The following KIAA1671 variants were observed in gnomAD, a reference collection of about 807,000 sequenced individuals.
The protein encoded by KIAA1671 is KIAA1671.
A neutral mutation model predicts 131.2 loss-of-function variants in KIAA1671; 52 were observed. That is an observed-to-expected ratio of 0.40 (90% CI 0.32 to 0.50). The LOEUF (loss-of-function observed/expected upper bound fraction) is 0.50. Ranked by LOEUF, KIAA1671 falls within the 20% of genes least tolerant of loss-of-function variation. The pLI, the probability that KIAA1671 is intolerant of heterozygous loss-of-function variation, is 0.73. For synonymous variants in KIAA1671, 1,003 were observed against 961.6 expected (o/e 1.04, Z -0.80); for missense variants, 2,360 against 2,364.2 (o/e 1.00, Z 0.04).
intron 1 of KIAA1671, chr22:25,010,805 C>T (rs1924993752): frequency 6.6e-6 from 1 of 152,110 alleles, no homozygotes; most frequent in Admixed American, 6.5e-5. Flanking sequence ...CATAAAAAAT[C>T]AAGAGGAGAG....
At chr22:25,150,999 A>AT (rs1243116222) in intron 6 of KIAA1671, among the ~76,000 whole-genome samples, 7 of 151,176 alleles carry the variant, frequency 4.6e-5, no homozygotes, top group Admixed American at 6.6e-5. Context: ...CGCCCGGCTA[A>AT]TTTTTTTTGT....
rs1767324812 is a variant in KIAA1671, at chr22:25,032,693, A to G, written c.1626A>G (p.Glu542=). The part of the protein sequence containing the change: ...LSGEFPKEPR[E]KQKEGHSLDG... ...GCGAGTTTCCTAAGGAACCGAGAGA[A>G]AAGGTAAGGAGTGGCTGTGTAGCAC... The change falls in exon 4 of 13, where the codon GAA becomes GAG. Residue 542 remains glutamate (E), a synonymous_variant. Coordinates refer to ENST00000358431, the MANE Select transcript of KIAA1671 (RefSeq NM_001145206.2). 1.0e-5 allele frequency: 16 copies of G among 1,543,156 alleles called. No homozygotes were observed. Among genetic ancestry groups the G allele is most frequent in the Admixed American group, 2.0e-5 (1 of 50,906 alleles).
At chr22:25,175,365 A>G (rs1859649197) in intron 8 of KIAA1671, 1 of 152,246 alleles carries the variant, frequency 6.6e-6, no homozygotes, top group African/African-American at 2.4e-5. Context: ...ATTTCCCCAG[A>G]GGAGGAACAC....
At chr22:25,134,214 G>A (rs1289528708) in intron 6 of KIAA1671, among the ~76,000 whole-genome samples, 2 of 152,148 alleles carry the variant, frequency 1.3e-5, no homozygotes, top group South Asian at 2.1e-4. Flanking sequence ...GGATGTTTCC[G>A]GGAACACAGC....
intron 5 of KIAA1671, among the ~76,000 whole-genome samples, chr22:25,047,551 C>A (rs1602097298): frequency 6.6e-6 from 1 of 150,412 alleles, no homozygotes; most frequent in African/African-American, 2.4e-5. Context: ...CGGCTCACTG[C>A]AATCTCCACC....
intron 1 of KIAA1671, among the ~76,000 whole-genome samples, chr22:24,986,590 G>A (rs1381288164): frequency 6.6e-6 from 1 of 150,398 alleles, no homozygotes; most frequent in Non-Finnish European, 1.5e-5. Context: ...TAGAACCCAT[G>A]GATACAGAGA....
chr22:25,042,471 T>TC (rs1386605367), intron 5 of KIAA1671, among the ~76,000 whole-genome samples: 1 of 146,544 alleles, frequency 6.8e-6, no homozygotes. Flanking sequence ...TTGTTTTTTT[T>TC]TTTTTTTTTT....
Position 25,040,063 on chromosome 22 carries a change from A to G in KIAA1671, c.2933A>G (p.Asp978Gly). 1 of 1,551,660 alleles carries G rather than the reference A, an allele frequency of 6.4e-7. No individual in the cohort carries two copies. Among genetic ancestry groups the G allele is most frequent in the Non-Finnish European group, 8.7e-7 (1 of 1,146,992 alleles). ...DSPHVGHRRTDYVSPTASALR... is the reference protein window; with the variant it reads ...DSPHVGHRRTGYVSPTASALR... ...CCACATGTGGGGCACAGACGAACAGATTATGTGAGCCCCACAGCCAGTGCC... is the reference window on the plus strand; with the variant it reads ...CCACATGTGGGGCACAGACGAACAGGTTATGTGAGCCCCACAGCCAGTGCC... Residue 978 changes from aspartate to glycine, a missense_variant, in exon 5 of 13, where the codon GAT becomes GGT. Transcript: ENST00000358431.
chr22:25,187,275 A>C (rs1934506186), intron 11 of KIAA1671, among the ~76,000 whole-genome samples: 2 of 152,254 alleles, frequency 1.3e-5, no homozygotes, highest in South Asian at 2.1e-4. Flanking sequence ...AAATACAAAA[A>C]GAATACAAAG....
intron 9 of KIAA1671, among the ~76,000 whole-genome samples, chr22:25,179,756 C>T (rs771710639): frequency 2.0e-5 from 3 of 152,202 alleles, no homozygotes; most frequent in Non-Finnish European, 2.9e-5. Context: ...ACTATTTCTG[C>T]TTTTATTTTG....
At chr22:25,069,421 A>G (rs766148782) in intron 6 of KIAA1671, among the ~76,000 whole-genome samples, 3 of 152,078 alleles carry the variant, frequency 2.0e-5, no homozygotes, top group Non-Finnish European at 4.4e-5. Flanking sequence ...GAAAATTGAC[A>G]TTCTCCTCAC....
intron 1 of KIAA1671, among the ~76,000 whole-genome samples, chr22:24,962,118 G>A (rs1271782083): frequency 6.6e-6 from 1 of 152,216 alleles, no homozygotes; most frequent in Non-Finnish European, 1.5e-5. Context: ...TGATTTTTGT[G>A]CTGGAGCTGG....
chr22:25,193,034 C>A lies in KIAA1671; in HGVS notation c.*633C>A, dbSNP rs142918858. 1 of 151,958 alleles carries A rather than the reference C, an allele frequency of 6.6e-6. No homozygotes were observed. The highest frequency in any genetic ancestry group is 1.5e-5 in the Non-Finnish European group (1 of 68,016). 9.4% of individuals were successfully genotyped at this position (151,958 alleles called of 1,614,324 possible). A position where few individuals can be genotyped will look rare whatever the true frequency, so the allele number is the denominator to read the frequency against. ...CTCTTTCTAGTGGGGCTGTGTGCATCGTTGGCCTATGTTATTGTATGTCAT... is the reference window on the plus strand; with the variant it reads ...CTCTTTCTAGTGGGGCTGTGTGCATAGTTGGCCTATGTTATTGTATGTCAT... On this transcript the variant is annotated 3_prime_UTR_variant, in exon 13 of 13. Transcript: ENST00000358431.
At chr22:24,981,718 G>T (rs996097187) in intron 1 of KIAA1671, among the ~76,000 whole-genome samples, 2 of 152,160 alleles carry the variant, frequency 1.3e-5, no homozygotes, top group Non-Finnish European at 2.9e-5. Context: ...GATCAGCCTG[G>T]GCAACGTGAC....
intron 1 of KIAA1671, among the ~76,000 whole-genome samples, chr22:24,976,471 C>T (rs1248426391): frequency 6.6e-6 from 1 of 152,212 alleles, no homozygotes; most frequent in Non-Finnish European, 1.5e-5. Context: ...CTGGGACCCC[C>T]TGTTGTTGTG....
At chr22:25,162,186 C>T (rs1933468759) in intron 6 of KIAA1671, among the ~76,000 whole-genome samples, 1 of 152,206 alleles carries the variant, frequency 6.6e-6, no homozygotes, top group Non-Finnish European at 1.5e-5. Context: ...TCAGGAGTGT[C>T]AGCCCCTGCC....
At chr22:25,170,794 A>T in intron 6 of KIAA1671, 26 bp from the exon 7 acceptor site, 3 of 1,548,582 alleles carry the variant, frequency 1.9e-6, no homozygotes, top group Non-Finnish European at 2.6e-6. Context: ...CCTGGTAGAA[A>T]TCTCACATCT....
chr22:25,171,481 G>A, intron 7 of KIAA1671, among the ~76,000 whole-genome samples: 1 of 152,168 alleles, frequency 6.6e-6, no homozygotes, highest in East Asian at 1.9e-4. Flanking sequence ...GGAAGCCCAG[G>A]CGGGCAGATC....
intron 6 of KIAA1671, among the ~76,000 whole-genome samples, chr22:25,165,136 T>A (rs1933603096): frequency 6.6e-6 from 1 of 152,126 alleles, no homozygotes; most frequent in Non-Finnish European, 1.5e-5. Flanking sequence ...TGCACAAGGT[T>A]ACCAGGATAC....
Sources: gnomAD v4.1 joint callset for allele counts (sites outside exome capture counted in the v4.1 genomes callset) on GRCh38, gnomAD v4.1.1 for gene constraint, MANE v1.5 for transcripts, NCBI Gene and HGNC (gene_info 2026-07-23, HGNC 2026-07-21) for gene names.